The following ATG5 variants were observed in gnomAD, a reference collection of about 807,000 sequenced individuals.
The protein encoded by ATG5 is autophagy related 5.
In ATG5, 14 loss-of-function variants were observed where a neutral mutation model predicts 36.5. That is an observed-to-expected ratio of 0.38 (90% CI 0.25 to 0.60). The LOEUF is 0.60. Ranked by LOEUF, ATG5 falls within the 20% of genes least tolerant of loss-of-function variation. The probability of loss-of-function intolerance (pLI) is 0.60; values close to 1 mark genes in which losing one functional copy is unlikely to be tolerated. For synonymous variants in ATG5, 95 were observed against 101.5 expected, an observed-to-expected ratio of 0.94 and a Z score of 0.38; for missense variants, 195 against 326.7, an observed-to-expected ratio of 0.60 and a Z score of 3.11.
chr6:106,238,594 G>A (rs1171975444), intron 6 of ATG5, among the ~76,000 whole-genome samples: 1 of 152,090 alleles, frequency 6.6e-6, no homozygotes. Context: ...CTCTCTGGGA[G>A]GAACTAGCAG....
rs1178205538 is a variant in ATG5 at position 106,325,636 on chromosome 6, G to A, written c.-169C>T. 3.3e-5 allele frequency: 5 copies of A among 152,858 alleles called. No individual in the cohort carries two copies. The highest frequency in any genetic ancestry group is 1.2e-4 in the African/African-American group (5 of 41,460). The allele number at this position is 152,858 out of a possible 1,614,324, so 9.5% of individuals were successfully genotyped here. A position where few individuals can be genotyped will look rare whatever the true frequency, so the allele number is the denominator to read the frequency against. ...AGCTGCCCGCCTGACACACTGTCCT[G>A]CGGGGACGCGGTAGCAGGACTCCAG... On this transcript the variant is annotated 5_prime_UTR_variant, in exon 1 of 8. Coordinates refer to ENST00000369076, the MANE Select transcript of ATG5 (RefSeq NM_004849.4).
intron 7 of ATG5, among the ~76,000 whole-genome samples, chr6:106,190,756 GA>G (rs1190174925): frequency 1.3e-5 from 2 of 151,480 alleles, no homozygotes; most frequent in Non-Finnish European, 2.9e-5. Flanking sequence ...AAAATAAGAA[GA>G]AAAAATAAAA....
In ATG5 at chr6:106,308,259, T is replaced by C. The variant is rs1331324789; in HGVS notation, c.236+105A>G. 6.3e-6 allele frequency: 6 copies of C among 953,560 alleles called. No individual in the cohort carries two copies. The African/African-American group carries it at 1.0e-4, about 16-fold the overall frequency. The allele number at this position is 953,560 out of a possible 1,614,324, so 59.1% of individuals were successfully genotyped here. A position where few individuals can be genotyped will look rare whatever the true frequency, so the allele number is the denominator to read the frequency against. The stretch of plus-strand genomic sequence containing the variant: ...TCACATATTGTATGAGCTAGACTAA[T>C]GACTTCTATCCTCGCAGGACTTTTT... On this transcript the variant is annotated intron_variant, in intron 3 of 7. Coordinates refer to ENST00000369076, the MANE Select transcript of ATG5 (RefSeq NM_004849.4).
intron 4 of ATG5, among the ~76,000 whole-genome samples, chr6:106,282,510 A>G (rs1204203541): frequency 6.6e-6 from 1 of 152,190 alleles, no homozygotes; most frequent in African/African-American, 2.4e-5. Flanking sequence ...TTTTAATAGC[A>G]AAGTTAAGAA....
At chr6:106,194,264 C>T (rs1336837974) in intron 7 of ATG5, among the ~76,000 whole-genome samples, 1 of 152,018 alleles carries the variant, frequency 6.6e-6, no homozygotes, top group Non-Finnish European at 1.5e-5. Flanking sequence ...AAACTGAGTG[C>T]CTATTCTTCC....
In ATG5 at chr6:106,252,754, T is replaced by C. The variant is rs1051050445; in HGVS notation, c.479-4510A>G. Among the ~76,000 whole-genome samples the C allele has an allele frequency of 2.6e-5, 4 of 152,366 alleles. No homozygotes were observed. The South Asian group carries it at 6.2e-4, about 24-fold the overall frequency. Reference sequence around the variant, plus strand: ...TCAATTCAGCTGGCTAGGACCCTCATGCAGGAAACCGATGAAATGGTCTCC... The same window carrying C: ...TCAATTCAGCTGGCTAGGACCCTCACGCAGGAAACCGATGAAATGGTCTCC... On this transcript the variant is annotated intron_variant, in intron 5 of 7. Transcript: ENST00000369076.
intron 6 of ATG5, among the ~76,000 whole-genome samples, chr6:106,242,562 T>C (rs1284942865): frequency 1.4e-5 from 2 of 144,792 alleles, no homozygotes; most frequent in South Asian, 2.2e-4. Flanking sequence ...TTATGTTACA[T>C]TTATTTTACC....
At chr6:106,233,851 A>C (rs114975062) in intron 6 of ATG5, among the ~76,000 whole-genome samples, 3,168 of 152,000 alleles carry the variant, frequency 0.021, 97 homozygotes, top group African/African-American at 0.073. Flanking sequence ...GCTGCTGTAC[A>C]ACCAGCAGCT....
chr6:106,295,028 C>T (rs1275084169), intron 3 of ATG5, among the ~76,000 whole-genome samples: 4 of 149,198 alleles, frequency 2.7e-5, no homozygotes, highest in Non-Finnish European at 3.0e-5. Flanking sequence ...AAACTCTCGC[C>T]TCAGTCAAAA....
At chr6:106,280,721 C>T (rs1349390836) in intron 4 of ATG5, among the ~76,000 whole-genome samples, 3 of 152,018 alleles carry the variant, frequency 2.0e-5, no homozygotes, top group African/African-American at 7.2e-5. Context: ...TTAATCCTAA[C>T]AACACTTGAG....
intron 4 of ATG5, among the ~76,000 whole-genome samples, chr6:106,284,530 AT>A (rs930307237): frequency 4.6e-5 from 7 of 151,432 alleles, no homozygotes; most frequent in Non-Finnish European, 8.8e-5. Context: ...TTAAAATATT[AT>A]TTTAGTAGAG....
intron 6 of ATG5, among the ~76,000 whole-genome samples, chr6:106,235,011 T>C (rs1777839062): frequency 6.6e-6 from 1 of 151,980 alleles, no homozygotes; most frequent in Non-Finnish European, 1.5e-5. Flanking sequence ...AAGAATGTTG[T>C]TATTATGTTA....
At chr6:106,190,546 T>G (rs917906977) in intron 7 of ATG5, among the ~76,000 whole-genome samples, 73 of 152,278 alleles carry the variant, frequency 4.8e-4, no homozygotes, top group Middle Eastern at 3.4e-3. Context: ...TCTGCAACCG[T>G]TTTTTAGCCT....
chr6:106,280,978 A>G (rs768879024), intron 4 of ATG5, among the ~76,000 whole-genome samples: 33 of 152,104 alleles, frequency 2.2e-4, no homozygotes, highest in Admixed American at 5.9e-4. Context: ...TAAATTTAAA[A>G]GGAGCTAAAA....
At chr6:106,314,382 C>A (rs1770763032) in intron 2 of ATG5, among the ~76,000 whole-genome samples, 1 of 152,026 alleles carries the variant, frequency 6.6e-6, no homozygotes, top group Admixed American at 6.6e-5. Flanking sequence ...CATAGCGAAA[C>A]CCTGTCTCTA....
rs151318474 is a variant in ATG5 at position 106,260,919 on chromosome 6, G to A, written c.479-12675C>T. On this transcript the variant is annotated intron_variant, in intron 5 of 7. Coordinates refer to ENST00000369076, the MANE Select transcript of ATG5 (RefSeq NM_004849.4). ...AAAATGTCACAGGGGTCAGGTGTGG[G>A]GGCTTGACATTCTCAATACAAATGA... is the stretch of plus-strand genomic sequence containing the variant. Among the ~76,000 whole-genome samples the A allele has an allele frequency of 1.7e-3, 252 of 152,216 alleles. 1 individual carries two copies. Among genetic ancestry groups the A allele is most frequent in the African/African-American group, 5.3e-3 (219 of 41,520 alleles).
chr6:106,228,036 A>T (rs996709787), intron 6 of ATG5, among the ~76,000 whole-genome samples: 2 of 152,232 alleles, frequency 1.3e-5, no homozygotes, highest in African/African-American at 4.8e-5. Context: ...GGAGGGGCTT[A>T]AACTGATTAT....
chr6:106,199,312 C>T (rs1191982392), intron 7 of ATG5, among the ~76,000 whole-genome samples: 2 of 152,178 alleles, frequency 1.3e-5, no homozygotes, highest in Non-Finnish European at 2.9e-5. Context: ...AGGCTGGAAA[C>T]AGTCCAAACA....
intron 3 of ATG5, among the ~76,000 whole-genome samples, chr6:106,308,121 T>C (rs959943407): frequency 6.6e-6 from 1 of 152,210 alleles, no homozygotes; most frequent in Non-Finnish European, 1.5e-5. Flanking sequence ...TATATTCTTA[T>C]TGTACCATAT....
Sources: allele counts gnomAD v4.1 joint callset (sites outside exome capture counted in the v4.1 genomes callset), GRCh38; gene constraint gnomAD v4.1.1; transcripts MANE v1.5; gene names NCBI Gene and HGNC (gene_info 2026-07-23, HGNC 2026-07-21).